The following DOCK3 variants were observed in gnomAD, a reference collection of about 807,000 sequenced individuals.
DOCK3 encodes the protein dedicator of cytokinesis protein 3.
A neutral mutation model predicts 265.6 loss-of-function variants in DOCK3; 60 were observed. The observed-to-expected ratio is 0.23, with a 90% confidence interval of 0.18 to 0.28. DOCK3 has a LOEUF of 0.28. DOCK3 is among the 10% of genes least tolerant of loss of function. The pLI is 1.00. For missense variants in DOCK3, 1,981 were observed against 2,594.3 expected (o/e 0.76, Z 5.14); for synonymous variants, 881 against 938.0 (o/e 0.94, Z 1.11).
intron 26 of DOCK3, among the ~76,000 whole-genome samples, chr3:51,279,607 A>G (rs1336080251): frequency 6.6e-6 from 1 of 152,202 alleles, no homozygotes; most frequent in Non-Finnish European, 1.5e-5. Context: ...TCAGACAGGC[A>G]TATTGATCTG....
At chr3:51,149,826 C>T (rs2085490563) in intron 10 of DOCK3, among the ~76,000 whole-genome samples, 1 of 152,136 alleles carries the variant, frequency 6.6e-6, no homozygotes, top group Admixed American at 6.5e-5. Context: ...CTCTGCCAGG[C>T]TTTGGTATCA....
rs59472810 is a variant in DOCK3 at position 50,808,684 on chromosome 3, T to C, written c.121+29926T>C. Among the ~76,000 whole-genome samples, 1,162 of 152,316 alleles carry C rather than the reference T, an allele frequency of 7.6e-3. 17 individuals carry two copies. Among genetic ancestry groups the C allele is most frequent in the African/African-American group, 0.027 (1,118 of 41,570 alleles). ...GGCTCCATGTTCTTGTGGAAGCCAT[T>C]CTCTTTCCCACAGATTCTGGATCTT... On this transcript the variant is annotated intron_variant, in intron 2 of 52. Coordinates refer to ENST00000266037, the MANE Select transcript of DOCK3 (RefSeq NM_004947.5).
chr3:50,801,603 G>C (rs977718687), intron 2 of DOCK3, among the ~76,000 whole-genome samples: 1 of 152,152 alleles, frequency 6.6e-6, no homozygotes, highest in African/African-American at 2.4e-5. Flanking sequence ...TTTGAGACTT[G>C]TTTTGTGTCC....
chr3:51,237,444 T>A lies in DOCK3; in HGVS notation c.2002-46T>A, dbSNP rs1284301195. Reference sequence around the variant, plus strand: ...CTCTGTTTCCTGCTGGGGATAGATCTGAGGCCTCCAGTGAACCCTGATGGC... The same window carrying A: ...CTCTGTTTCCTGCTGGGGATAGATCAGAGGCCTCCAGTGAACCCTGATGGC... On this transcript the variant is annotated intron_variant, in intron 20 of 52. Coordinates refer to ENST00000266037, the MANE Select transcript of DOCK3 (RefSeq NM_004947.5). 6 of 1,520,284 alleles carry A rather than the reference T, an allele frequency of 3.9e-6. No individual in the cohort carries two copies. In the African/African-American group the frequency reaches 5.5e-5, roughly 14 times the overall value. The allele number at this position is 1,520,284 out of a possible 1,614,324, so 94.2% of individuals were successfully genotyped here. A position where few individuals can be genotyped will look rare whatever the true frequency, so the allele number is the denominator to read the frequency against.
At chr3:50,975,353 G>T (rs986648423) in intron 5 of DOCK3, among the ~76,000 whole-genome samples, 3 of 150,934 alleles carry the variant, frequency 2.0e-5, no homozygotes, top group African/African-American at 7.3e-5. Flanking sequence ...AGCATGAAGG[G>T]TTGTTGAATT....
chr3:50,824,435 G>A (rs2044641330), intron 2 of DOCK3, among the ~76,000 whole-genome samples: 1 of 152,130 alleles, frequency 6.6e-6, no homozygotes, highest in South Asian at 2.1e-4. Context: ...GCAAAGGAGG[G>A]TTGTAATTTG....
At chr3:50,757,656 A>G (rs1016966921) in intron 1 of DOCK3, among the ~76,000 whole-genome samples, 1 of 151,880 alleles carries the variant, frequency 6.6e-6, no homozygotes, top group African/African-American at 2.4e-5. Context: ...TTTATTGCTT[A>G]TGTTCTTGGT....
At chr3:50,849,133 C>G (rs1457645880) in intron 3 of DOCK3, among the ~76,000 whole-genome samples, 1 of 151,986 alleles carries the variant, frequency 6.6e-6, no homozygotes, top group Non-Finnish European at 1.5e-5. Flanking sequence ...CTCCCAAGCT[C>G]AAGCGGCCCC....
chr3:51,052,029 G>A (rs1359175209), intron 5 of DOCK3, among the ~76,000 whole-genome samples: 1 of 152,148 alleles, frequency 6.6e-6, no homozygotes, highest in African/African-American at 2.4e-5. Flanking sequence ...CTCAACATGA[G>A]ATTTGGAGGG....
chr3:51,289,032 G>A (rs889260546), intron 27 of DOCK3, among the ~76,000 whole-genome samples: 1 of 151,688 alleles, frequency 6.6e-6, no homozygotes, highest in African/African-American at 2.4e-5. Flanking sequence ...AAATGACTTA[G>A]GACAGGAGTG....
At position 51,214,175 on chromosome 3, in the gene DOCK3, G is replaced by C. The variant is rs774760851; in HGVS notation, c.1180G>C (p.Glu394Gln). The C allele has an allele frequency of 6.2e-7, 1 of 1,613,856 alleles. No individual in the cohort carries two copies. The highest frequency in any genetic ancestry group is 1.1e-5 in the South Asian group (1 of 91,058). ...LRGDMEQIRRENPMIFNRGLA... is the reference protein window; with the variant it reads ...LRGDMEQIRRQNPMIFNRGLA... ...TGGAGACATGGAACAGATTCGGAGA[G>C]AAAATCCCATGATATTTAATAGGGG... The change falls in exon 14 of 53, where the codon GAA becomes CAA. Residue 394 changes from glutamate to glutamine, a missense_variant. By Grantham distance (29) the Glu-to-Gln change is conservative. Coordinates refer to ENST00000266037, the MANE Select transcript of DOCK3 (RefSeq NM_004947.5).
intron 1 of DOCK3, among the ~76,000 whole-genome samples, chr3:50,766,451 C>T (rs1256568601): frequency 5.3e-5 from 8 of 152,088 alleles, no homozygotes; most frequent in Admixed American, 3.9e-4. Context: ...AGGACATGAA[C>T]TCATCCTTTT....
At chr3:50,983,135 C>G (rs2077759064) in intron 5 of DOCK3, among the ~76,000 whole-genome samples, 1 of 152,106 alleles carries the variant, frequency 6.6e-6, no homozygotes, top group Non-Finnish European at 1.5e-5. Context: ...GCCTCGGCCC[C>G]CTCTGGACTT....
intron 2 of DOCK3, among the ~76,000 whole-genome samples, chr3:50,788,699 C>G (rs978310933): frequency 6.6e-6 from 1 of 152,100 alleles, no homozygotes; most frequent in Non-Finnish European, 1.5e-5. Flanking sequence ...GGCTGCTGGC[C>G]ACAGTGCTAT....
chr3:50,833,191 T>A (rs1268476911), intron 2 of DOCK3, among the ~76,000 whole-genome samples: 1 of 152,148 alleles, frequency 6.6e-6, no homozygotes, highest in Non-Finnish European at 1.5e-5. Context: ...CAGTCAGAGA[T>A]CACTGGTTGG....
intron 12 of DOCK3, among the ~76,000 whole-genome samples, chr3:51,178,292 A>G (rs1005950983): frequency 6.6e-6 from 1 of 152,182 alleles, no homozygotes; most frequent in Non-Finnish European, 1.5e-5. Context: ...TTATCATCCA[A>G]GAACACATGA....
At chr3:51,160,902 T>C (rs1180744605) in intron 12 of DOCK3, among the ~76,000 whole-genome samples, 200 bp downstream of exon 12, 4 of 149,094 alleles carry the variant, frequency 2.7e-5, no homozygotes, top group Admixed American at 6.7e-5. Flanking sequence ...CGGTGAAACC[T>C]CGTCTCTACT....
chr3:51,360,714 A>G (rs1258094174), intron 47 of DOCK3, 82 bp downstream of exon 47: 3 of 1,568,140 alleles, frequency 1.9e-6, no homozygotes, highest in African/African-American at 1.3e-5. Context: ...GTCCTCATGT[A>G]TACTCATATT....
intron 5 of DOCK3, among the ~76,000 whole-genome samples, chr3:50,941,527 T>C (rs996865878): frequency 6.6e-6 from 1 of 152,096 alleles, no homozygotes. Flanking sequence ...GTTAAACATA[T>C]ACTTAATATA....
Sources: allele counts gnomAD v4.1 joint callset (sites outside exome capture counted in the v4.1 genomes callset), GRCh38; gene constraint gnomAD v4.1.1; transcripts MANE v1.5; gene names NCBI Gene and HGNC (gene_info 2026-07-23, HGNC 2026-07-21).